The following MAL2 variants were observed in gnomAD, a reference collection of about 807,000 sequenced individuals.
MAL2 encodes protein MAL2.
MAL2 carries 17 observed loss-of-function variants against 18.1 expected under a neutral mutation model. The ratio of observed to expected loss-of-function variants is 0.94; its 90% CI spans 0.64 to 1.41. The LOEUF (loss-of-function observed/expected upper bound fraction) is 1.41, where lower values mean the gene tolerates loss of function less well. Among genes scored for constraint, MAL2 ranks in the 40% most tolerant of loss-of-function variants. MAL2 has a pLI of 0.00. For missense variants in MAL2, 222 were observed against 231.9 expected (o/e 0.96, Z 0.28); for synonymous variants, 102 against 102.3 (o/e 1.00, Z 0.02).
At chr8:119,218,469 A>G (rs1817396753) in intron 1 of MAL2, among the ~76,000 whole-genome samples, 1 of 151,954 alleles carries the variant, frequency 6.6e-6, no homozygotes, top group Non-Finnish European at 1.5e-5. Flanking sequence ...CTACCTTTCC[A>G]GATTCTTCCC....
intron 2 of MAL2, among the ~76,000 whole-genome samples, chr8:119,237,993 A>G (rs1019968324): frequency 1.3e-5 from 2 of 152,224 alleles, no homozygotes; most frequent in African/African-American, 2.4e-5. Flanking sequence ...AGGAAGTCAT[A>G]TTGTCCCTGT....
chr8:119,225,035 G>T (rs924643199), intron 2 of MAL2, among the ~76,000 whole-genome samples: 2 of 151,874 alleles, frequency 1.3e-5, no homozygotes, highest in African/African-American at 4.8e-5. Flanking sequence ...ATGTAAACGA[G>T]GATCCCCCTA....
intron 1 of MAL2, among the ~76,000 whole-genome samples, chr8:119,210,380 A>G (rs1226685491): frequency 6.6e-6 from 1 of 152,178 alleles, no homozygotes; most frequent in East Asian, 1.9e-4. Flanking sequence ...GGAAAAGAAT[A>G]GAAAGTGACT....
At position 119,243,747 on chromosome 8, in the gene MAL2, A is replaced by T; in HGVS notation, c.*259A>T. 1 of 329,162 alleles carries T rather than the reference A, an allele frequency of 3.0e-6. No individual in the cohort carries two copies. The highest frequency in any genetic ancestry group is 5.5e-6 in the Non-Finnish European group (1 of 182,960). The allele number at this position is 329,162 out of a possible 1,614,324, so 20.4% of individuals were successfully genotyped here. A position where few individuals can be genotyped will look rare whatever the true frequency, so the allele number is the denominator to read the frequency against. ...TTATTTTCCTCCTTTTCTTTCTGAA[A>T]GTTTCCTTTTATGTCCATAAAATAC... is the stretch of plus-strand genomic sequence containing the variant. On this transcript the variant is annotated 3_prime_UTR_variant, in exon 4 of 4. Transcript: ENST00000614891.
At chr8:119,217,817 A>G (rs1002199349) in intron 1 of MAL2, among the ~76,000 whole-genome samples, 1 of 152,176 alleles carries the variant, frequency 6.6e-6, no homozygotes, top group Non-Finnish European at 1.5e-5. Context: ...TCTCTACTGA[A>G]CAGGAATGCT....
intron 2 of MAL2, among the ~76,000 whole-genome samples, chr8:119,236,862 C>G (rs1047409430): frequency 2.4e-4 from 36 of 150,772 alleles, no homozygotes; most frequent in African/African-American, 6.9e-4. Context: ...AATTGACACC[C>G]TAACATCACA....
chr8:119,228,921 G>A lies in MAL2; in HGVS notation c.303+7164G>A, dbSNP rs146582385. Among the ~76,000 whole-genome samples the A allele has an allele frequency of 5.7e-3, 873 of 152,260 alleles. 10 individuals are homozygous for A. Among genetic ancestry groups the A allele is most frequent in the African/African-American group, 0.02 (837 of 41,544 alleles). On this transcript the variant is annotated intron_variant, in intron 2 of 3. Transcript: ENST00000614891. ...AGGATAATCCCTTATCAGGAGCTCA[G>A]AGTTGGTCTCTGTTGCTGGCAGTTC...
intron 2 of MAL2, among the ~76,000 whole-genome samples, chr8:119,235,149 CTA>C (rs1817849710): frequency 6.6e-6 from 1 of 152,090 alleles, no homozygotes; most frequent in Admixed American, 6.5e-5. Context: ...GGCTCGAGAA[CTA>C]TGTGAAGAAT....
In MAL2 at chr8:119,221,830, CAG is replaced by C. The variant is rs1817469737; in HGVS notation, c.303+76_303+77del. ...TGTATCCTATTCTGTTCTGAAATGC[CAG>C]AGTCCCAGTTCTGTTGCCCCTAATG... On this transcript the variant is annotated intron_variant, in intron 2 of 3. Coordinates refer to ENST00000614891, the MANE Select transcript of MAL2 (RefSeq NM_052886.3). 2 of 1,490,790 alleles carry C rather than the reference CAG, an allele frequency of 1.3e-6. 1 individual carries two copies. Among genetic ancestry groups the C allele is most frequent in the African/African-American group, 2.8e-5 (2 of 71,520 alleles). 92.3% of individuals were successfully genotyped at this position (1,490,790 alleles called of 1,614,324 possible). A position where few individuals can be genotyped will look rare whatever the true frequency, so the allele number is the denominator to read the frequency against.
intron 2 of MAL2, among the ~76,000 whole-genome samples, chr8:119,226,462 A>G (rs1375807452): frequency 8.1e-6 from 1 of 123,186 alleles, no homozygotes; most frequent in Non-Finnish European, 1.6e-5. Flanking sequence ...AAGAGCAAAC[A>G]TGGGCTTAAG....
intron 1 of MAL2, among the ~76,000 whole-genome samples, chr8:119,211,360 C>T (rs1226085390): frequency 6.6e-6 from 1 of 152,278 alleles, no homozygotes; most frequent in East Asian, 1.9e-4. Context: ...TGTTCAAATT[C>T]GTTTGTCTTT....
intron 2 of MAL2, among the ~76,000 whole-genome samples, chr8:119,238,645 T>C (rs1409943511): frequency 6.7e-6 from 1 of 149,776 alleles, no homozygotes; most frequent in Non-Finnish European, 1.5e-5. Context: ...ATCTGATCTT[T>C]GACAAACCTG....
At chr8:119,221,420 G>C in intron 1 of MAL2, 167 bp from the exon 2 acceptor site, 2 of 727,824 alleles carry the variant, frequency 2.7e-6, no homozygotes, top group Non-Finnish European at 4.6e-6. Flanking sequence ...GAGGAAAGAA[G>C]GCATCTTACA....
chr8:119,233,952 G>A (rs1335938667), intron 2 of MAL2, among the ~76,000 whole-genome samples: 1 of 152,166 alleles, frequency 6.6e-6, no homozygotes, highest in Non-Finnish European at 1.5e-5. Flanking sequence ...ACCAAGGGGA[G>A]GAGCCAAGAT....
intron 2 of MAL2, among the ~76,000 whole-genome samples, chr8:119,238,496 G>A (rs1368732433): frequency 6.6e-6 from 1 of 151,608 alleles, no homozygotes; most frequent in African/African-American, 2.4e-5. Flanking sequence ...GAACAAAGCT[G>A]GAGGCATCAC....
intron 2 of MAL2, among the ~76,000 whole-genome samples, 190 bp downstream of exon 2, chr8:119,221,947 T>C (rs1817472181): frequency 6.6e-6 from 1 of 151,992 alleles, no homozygotes; most frequent in African/African-American, 2.4e-5. Context: ...GTTTGCGAAA[T>C]CTCTGTGTTG....
intron 3 of MAL2, among the ~76,000 whole-genome samples, chr8:119,241,419 A>G (rs1563779604): frequency 6.6e-6 from 1 of 152,222 alleles, no homozygotes; most frequent in Non-Finnish European, 1.5e-5. Flanking sequence ...TTGTGCCTGT[A>G]GTGCTACCTA....
At chr8:119,227,901 T>C (rs546059978) in intron 2 of MAL2, among the ~76,000 whole-genome samples, 1 of 152,306 alleles carries the variant, frequency 6.6e-6, no homozygotes, top group African/African-American at 2.4e-5. Flanking sequence ...TCCTGTCTGG[T>C]GGTCTCAGTG....
chr8:119,238,338 A>G (rs1817959695), intron 2 of MAL2, among the ~76,000 whole-genome samples: 1 of 152,218 alleles, frequency 6.6e-6, no homozygotes, highest in South Asian at 2.1e-4. Context: ...TATCATGAAA[A>G]TGGCCATACT....
Sources: gnomAD v4.1 joint callset for allele counts (sites outside exome capture counted in the v4.1 genomes callset) on GRCh38, gnomAD v4.1.1 for gene constraint, MANE v1.5 for transcripts, NCBI Gene and HGNC (gene_info 2026-07-23, HGNC 2026-07-21) for gene names.